The following MBNL1 variants were observed in gnomAD, a reference collection of about 807,000 sequenced individuals.
MBNL1 encodes the protein muscleblind-like protein 1.
In MBNL1, 8 loss-of-function variants were observed where a neutral mutation model predicts 42.2. That is an observed-to-expected ratio of 0.19 (90% CI 0.11 to 0.34). MBNL1 has a LOEUF of 0.34. MBNL1 is among the 10% of genes least tolerant of loss of function. The pLI is 1.00. For synonymous variants in MBNL1, 169 were observed against 173.9 expected (o/e 0.97, Z 0.22); for missense variants, 309 against 495.3 (o/e 0.62, Z 3.57).
intron 2 of MBNL1, among the ~76,000 whole-genome samples, chr3:152,347,547 G>A (rs901847767): frequency 2.0e-5 from 3 of 152,096 alleles, no homozygotes; most frequent in Non-Finnish European, 4.4e-5. Flanking sequence ...TACACTGAAA[G>A]CTTTCAATGT....
At chr3:152,384,826 G>A (rs886959389) in intron 2 of MBNL1, among the ~76,000 whole-genome samples, 4 of 152,028 alleles carry the variant, frequency 2.6e-5, no homozygotes, top group Non-Finnish European at 5.9e-5. Flanking sequence ...TATGCTGTCC[G>A]GAGTTTCTAT....
At chr3:152,251,250 G>T (rs1000290080) in intron 2 of MBNL1, among the ~76,000 whole-genome samples, 2 of 151,938 alleles carry the variant, frequency 1.3e-5, no homozygotes, top group Non-Finnish European at 2.9e-5. Flanking sequence ...ACACTTAGTT[G>T]TCTTGTCTTT....
At chr3:152,284,665 G>A (rs142253155) in intron 1 of MBNL1, among the ~76,000 whole-genome samples, 1 of 152,132 alleles carries the variant, frequency 6.6e-6, no homozygotes, top group Non-Finnish European at 1.5e-5. Context: ...CTCCTTCATT[G>A]CTCTTCAGAT....
At chr3:152,419,556 C>G (rs2098763780) in intron 3 of MBNL1, among the ~76,000 whole-genome samples, 2 of 152,226 alleles carry the variant, frequency 1.3e-5, no homozygotes, top group Non-Finnish European at 2.9e-5. Context: ...AGATACTACA[C>G]TTTTCCCATG....
intron 2 of MBNL1, among the ~76,000 whole-genome samples, chr3:152,314,690 A>G (rs991642068): frequency 6.6e-6 from 1 of 152,188 alleles, no homozygotes; most frequent in African/African-American, 2.4e-5. Flanking sequence ...CCAAAATTTT[A>G]AAAAGCATTT....
intron 2 of MBNL1, among the ~76,000 whole-genome samples, chr3:152,315,301 A>G (rs1354999116): frequency 6.6e-6 from 1 of 152,202 alleles, no homozygotes; most frequent in African/African-American, 2.4e-5. Context: ...TATTCCCACT[A>G]TATTTCCTTT....
At chr3:152,377,665 A>G (rs1392281968) in intron 2 of MBNL1, among the ~76,000 whole-genome samples, 1 of 152,212 alleles carries the variant, frequency 6.6e-6, no homozygotes, top group African/African-American at 2.4e-5. Context: ...TGGAGGCCAC[A>G]TTCATGTTTC....
intron 4 of MBNL1, among the ~76,000 whole-genome samples, chr3:152,444,120 C>T (rs1251276154): frequency 2.0e-5 from 3 of 152,270 alleles, no homozygotes; most frequent in East Asian, 3.9e-4. Context: ...TTAGTATCTG[C>T]GTTTGCTATT....
At chr3:152,269,566 A>G (rs1002515828) in intron 1 of MBNL1, 8 of 453,912 alleles carry the variant, frequency 1.8e-5, no homozygotes, top group Non-Finnish European at 3.1e-5. Flanking sequence ...ATGTGCACGC[A>G]AAGGTTAATT....
rs761736091 is a variant in MBNL1, at chr3:152,459,248, T to C, written c.1093-23T>C. ...TTGGCTTGCTTGCATGGATCATTCATTAAATAATTTTTTATTTGCTAGATA... is the reference window on the plus strand; with the variant it reads ...TTGGCTTGCTTGCATGGATCATTCACTAAATAATTTTTTATTTGCTAGATA... On this transcript the variant is annotated intron_variant, in intron 8 of 9. Coordinates refer to ENST00000324210, the MANE Select transcript of MBNL1 (RefSeq NM_021038.5). The C allele has an allele frequency of 4.2e-6, 6 of 1,420,378 alleles. No homozygotes were observed. In the South Asian group the frequency reaches 7.7e-5, roughly 18 times the overall value. 88.0% of individuals were successfully genotyped at this position (1,420,378 alleles called of 1,614,324 possible).
chr3:152,331,088 CCT>C (rs1285940933), intron 2 of MBNL1, among the ~76,000 whole-genome samples: 1 of 151,244 alleles, frequency 6.6e-6, no homozygotes, highest in Admixed American at 6.6e-5. Flanking sequence ...TCTCCTTTTC[CCT>C]CTCTTTCTCT....
At chr3:152,355,136 C>A (rs920644055) in intron 2 of MBNL1, among the ~76,000 whole-genome samples, 3 of 151,998 alleles carry the variant, frequency 2.0e-5, no homozygotes, top group Admixed American at 6.6e-5. Flanking sequence ...ACAAAAAAAT[C>A]GTAAGTGAGA....
At chr3:152,366,501 G>A (rs544678440) in intron 2 of MBNL1, among the ~76,000 whole-genome samples, 4 of 152,284 alleles carry the variant, frequency 2.6e-5, no homozygotes, top group African/African-American at 9.6e-5. Flanking sequence ...CCAGTTGAAT[G>A]TTGATGCTAT....
At chr3:152,270,160 T>A (rs2040347073) in intron 1 of MBNL1, among the ~76,000 whole-genome samples, 1 of 151,956 alleles carries the variant, frequency 6.6e-6, no homozygotes, top group Admixed American at 6.5e-5. Context: ...GTGGAGTATG[T>A]CTCCCCAGGA....
intron 1 of MBNL1, among the ~76,000 whole-genome samples, chr3:152,297,040 T>C (rs1424977199): frequency 1.3e-5 from 2 of 152,138 alleles, no homozygotes; most frequent in Non-Finnish European, 2.9e-5. Context: ...TAATGACATC[T>C]TGGTAGCTTT....
chr3:152,348,856 G>A (rs980296303), intron 2 of MBNL1, among the ~76,000 whole-genome samples: 2 of 152,198 alleles, frequency 1.3e-5, no homozygotes, highest in East Asian at 1.9e-4. Context: ...TGTATTGAAT[G>A]TCTTTGGTGT....
chr3:152,404,852 T>C (rs1038118888), intron 2 of MBNL1, among the ~76,000 whole-genome samples: 3 of 151,550 alleles, frequency 2.0e-5, no homozygotes, highest in African/African-American at 7.2e-5. Flanking sequence ...CAGTGAAATA[T>C]ATAGATAATC....
At chr3:152,381,096 A>G (rs1390805825) in intron 2 of MBNL1, among the ~76,000 whole-genome samples, 1 of 152,088 alleles carries the variant, frequency 6.6e-6, no homozygotes, top group African/African-American at 2.4e-5. Context: ...CTAAGATTTT[A>G]TAATAGATGT....
intron 3 of MBNL1, among the ~76,000 whole-genome samples, chr3:152,421,241 TG>T (rs1203542972): frequency 6.6e-6 from 1 of 151,992 alleles, no homozygotes; most frequent in Non-Finnish European, 1.5e-5. Flanking sequence ...ATAGGCTGTT[TG>T]GGCAGACACT....
Sources: allele counts gnomAD v4.1 joint callset (sites outside exome capture counted in the v4.1 genomes callset), GRCh38; gene constraint gnomAD v4.1.1; transcripts MANE v1.5; gene names NCBI Gene and HGNC (gene_info 2026-07-23, HGNC 2026-07-21).